Variants in GBE1 observed in about 807,000 individuals in gnomAD.
The protein encoded by GBE1 is 1,4-alpha-glucan-branching enzyme.
In GBE1, 70 loss-of-function variants were observed where a neutral mutation model predicts 88.8. That is an observed-to-expected ratio of 0.79 (90% confidence interval 0.65 to 0.96). The LOEUF is 0.96. GBE1 is among the 40% of genes least tolerant of loss of function. GBE1 has a pLI of 0.00. For missense variants in GBE1, 872 were observed against 871.0 expected, an observed-to-expected ratio of 1.00 and a Z score of -0.01; for synonymous variants, 284 against 300.1, an observed-to-expected ratio of 0.95 and a Z score of 0.56.
chr3:81,719,779 AATAGT>A (rs1196612175), intron 1 of GBE1, among the ~76,000 whole-genome samples: 1 of 152,210 alleles, frequency 6.6e-6, no homozygotes, highest in Non-Finnish European at 1.5e-5. Flanking sequence ...TGGTTATATC[AATAGT>A]AAAGTAAAAA....
At chr3:81,669,145 G>C (rs998698432) in intron 3 of GBE1, among the ~76,000 whole-genome samples, 3 of 152,168 alleles carry the variant, frequency 2.0e-5, no homozygotes, top group Middle Eastern at 3.4e-3. Flanking sequence ...AACTTTCCTC[G>C]GCTTCAACTA....
At chr3:81,677,354 A>C (rs1172753590) in intron 2 of GBE1, among the ~76,000 whole-genome samples, 1 of 152,218 alleles carries the variant, frequency 6.6e-6, no homozygotes, top group Non-Finnish European at 1.5e-5. Context: ...CATATGGCAG[A>C]TATCAATCCC....
At chr3:81,734,852 C>T (rs1706238396) in intron 1 of GBE1, among the ~76,000 whole-genome samples, 1 of 152,078 alleles carries the variant, frequency 6.6e-6, no homozygotes, top group Non-Finnish European at 1.5e-5. Context: ...TACCTGAGGT[C>T]AATGTGGTAC....
chr3:81,674,152 C>G, intron 2 of GBE1, among the ~76,000 whole-genome samples: 1 of 151,838 alleles, frequency 6.6e-6, no homozygotes, highest in East Asian at 1.9e-4. Context: ...GCCCTAAATT[C>G]TCCTCTTTCT....
At chr3:81,704,977 G>A (rs1225991879) in intron 2 of GBE1, among the ~76,000 whole-genome samples, 2 of 152,072 alleles carry the variant, frequency 1.3e-5, no homozygotes, top group Non-Finnish European at 2.9e-5. Context: ...ATGAGTGATG[G>A]AGGTTACACC....
intron 1 of GBE1, among the ~76,000 whole-genome samples, chr3:81,730,492 G>A (rs1287373094): frequency 6.6e-6 from 1 of 152,106 alleles, no homozygotes; most frequent in Non-Finnish European, 1.5e-5. Context: ...TTCAAAGTGG[G>A]GAATTCTTCC....
intron 1 of GBE1, among the ~76,000 whole-genome samples, chr3:81,750,555 A>ACG (rs1559708373): frequency 8.3e-5 from 7 of 84,086 alleles, no homozygotes; most frequent in African/African-American, 4.5e-4. Flanking sequence ...ATATATGTAT[A>ACG]TATATATGTA....
At chr3:81,652,063 G>A (rs1297600883) in intron 3 of GBE1, among the ~76,000 whole-genome samples, 1 of 152,196 alleles carries the variant, frequency 6.6e-6, no homozygotes, top group Non-Finnish European at 1.5e-5. Flanking sequence ...CCATTTCTTA[G>A]GGCTGTCCTT....
chr3:81,515,559 C>T (rs1702787389), intron 14 of GBE1, among the ~76,000 whole-genome samples: 1 of 151,408 alleles, frequency 6.6e-6, no homozygotes, highest in African/African-American at 2.4e-5. Context: ...CTACAATAGC[C>T]TCTAGGAGTT....
intron 1 of GBE1, among the ~76,000 whole-genome samples, chr3:81,760,238 A>G (rs1454175107): frequency 2.0e-5 from 3 of 152,244 alleles, no homozygotes; most frequent in African/African-American, 7.2e-5. Context: ...ATGAAACTTC[A>G]CATCCCTTAC....
chr3:81,522,516 G>A (rs1386822960), intron 14 of GBE1, among the ~76,000 whole-genome samples: 1 of 151,138 alleles, frequency 6.6e-6, no homozygotes, highest in Non-Finnish European at 1.5e-5. Context: ...AAATTATGTT[G>A]GAAATGCTCT....
chr3:81,541,661 G>T (rs1276065259), intron 12 of GBE1, among the ~76,000 whole-genome samples: 2 of 152,010 alleles, frequency 1.3e-5, no homozygotes, highest in Non-Finnish European at 1.5e-5. Flanking sequence ...TGTGAACCAG[G>T]AAATAGGGCA....
At chr3:81,534,585 G>C (rs928922288) in intron 14 of GBE1, 3 of 151,992 alleles carry the variant, frequency 2.0e-5, no homozygotes, top group African/African-American at 7.2e-5. Flanking sequence ...GGCCTACAAA[G>C]GTATGCTGTG....
At chr3:81,604,888 A>C (rs1704084559) in intron 7 of GBE1, among the ~76,000 whole-genome samples, 1 of 152,154 alleles carries the variant, frequency 6.6e-6, no homozygotes, top group Non-Finnish European at 1.5e-5. Flanking sequence ...TAACATGTTT[A>C]ACACCATAAG....
chr3:81,743,553 T>TC, intron 1 of GBE1: 1 of 1,529,656 alleles, frequency 6.5e-7, no homozygotes, highest in Non-Finnish European at 8.8e-7. Context: ...TCATAATGAG[T>TC]CACCTCACTT....
intron 1 of GBE1, among the ~76,000 whole-genome samples, chr3:81,717,492 T>G (rs538667532): frequency 2.6e-4 from 40 of 152,326 alleles, no homozygotes; most frequent in African/African-American, 9.1e-4. Context: ...AAAGTGATGA[T>G]GCTTATGTCT....
chr3:81,578,360 TA>T (rs1206341793), intron 11 of GBE1, among the ~76,000 whole-genome samples: 1 of 152,060 alleles, frequency 6.6e-6, no homozygotes, highest in Non-Finnish European at 1.5e-5. Context: ...CATGATAAGG[TA>T]CCTGAATATC....
intron 10 of GBE1, 30 bp downstream of exon 10, chr3:81,586,062 G>A (rs1157702144): frequency 3.7e-6 from 5 of 1,349,466 alleles, no homozygotes; most frequent in Non-Finnish European, 5.2e-6. Context: ...AGTATTCACA[G>A]AAACAAAAAA....
At chr3:81,596,978 T>C (rs1445441362) in intron 7 of GBE1, among the ~76,000 whole-genome samples, 1 of 151,976 alleles carries the variant, frequency 6.6e-6, no homozygotes, top group Non-Finnish European at 1.5e-5. Flanking sequence ...AGCTCATAAA[T>C]TCCATTTTTC....
Sources: allele counts gnomAD v4.1 joint callset (sites outside exome capture counted in the v4.1 genomes callset), GRCh38; gene constraint gnomAD v4.1.1; transcripts MANE v1.5; gene names NCBI Gene and HGNC (gene_info 2026-07-23, HGNC 2026-07-21).